The following FGGY variants were observed in gnomAD, a reference collection of about 807,000 sequenced individuals.
The protein encoded by FGGY is FGGY carbohydrate kinase domain containing.
FGGY carries 72 observed loss-of-function variants against 71.3 expected under a neutral mutation model. The observed-to-expected ratio is 1.01, with a 90% confidence interval of 0.84 to 1.23. The LOEUF is 1.23. Ranked by LOEUF, FGGY falls within the 50% of genes most tolerant of loss-of-function variation. FGGY has a pLI of 0.00. For missense variants in FGGY, 668 were observed against 682.3 expected, an observed-to-expected ratio of 0.98 and a Z score of 0.23; for synonymous variants, 251 against 250.3, an observed-to-expected ratio of 1.00 and a Z score of -0.02.
At chr1:59,592,190 A>G (rs1454990130) in intron 8 of FGGY, among the ~76,000 whole-genome samples, 2 of 152,238 alleles carry the variant, frequency 1.3e-5, no homozygotes, top group Non-Finnish European at 2.9e-5. Flanking sequence ...AAAAATGCTC[A>G]CCATCACTGG....
intron 8 of FGGY, among the ~76,000 whole-genome samples, chr1:59,586,446 G>A (rs2096288805): frequency 1.3e-5 from 2 of 151,968 alleles, no homozygotes; most frequent in South Asian, 4.1e-4. Flanking sequence ...TCATAGGTGG[G>A]AATTGAACAA....
intron 5 of FGGY, among the ~76,000 whole-genome samples, chr1:59,442,096 A>G (rs1200214568): frequency 6.6e-6 from 1 of 152,132 alleles, no homozygotes; most frequent in African/African-American, 2.4e-5. Flanking sequence ...TGCAGAGGGT[A>G]TGTTTCTAGA....
chr1:59,585,315 A>C (rs1462451350), intron 8 of FGGY, among the ~76,000 whole-genome samples: 2 of 152,202 alleles, frequency 1.3e-5, no homozygotes, highest in Non-Finnish European at 2.9e-5. Context: ...CTGGTACCAA[A>C]ACAGAGATGC....
chr1:59,659,738 C>G (rs1442597753), intron 11 of FGGY, among the ~76,000 whole-genome samples: 1 of 152,058 alleles, frequency 6.6e-6, no homozygotes, highest in Non-Finnish European at 1.5e-5. Flanking sequence ...AAGTTATCCC[C>G]TAGTAGGTAT....
intron 14 of FGGY, among the ~76,000 whole-genome samples, chr1:59,690,726 C>A (rs2097581119): frequency 6.6e-6 from 1 of 152,180 alleles, no homozygotes; most frequent in African/African-American, 2.4e-5. Flanking sequence ...CTGAAGCTGG[C>A]TAAGAAGGCA....
At chr1:59,359,484 G>A (rs868576726) in intron 4 of FGGY, among the ~76,000 whole-genome samples, 1 of 152,136 alleles carries the variant, frequency 6.6e-6, no homozygotes, top group African/African-American at 2.4e-5. Context: ...CTCTCCAAGA[G>A]CTGACTTTGT....
At chr1:59,474,556 C>T (rs2093165164) in intron 6 of FGGY, among the ~76,000 whole-genome samples, 1 of 152,186 alleles carries the variant, frequency 6.6e-6, no homozygotes, top group African/African-American at 2.4e-5. Context: ...GACATTTAGC[C>T]AATCTGGATA....
At chr1:59,577,481 G>C (rs888147842) in intron 8 of FGGY, among the ~76,000 whole-genome samples, 3 of 151,796 alleles carry the variant, frequency 2.0e-5, no homozygotes, top group Non-Finnish European at 2.9e-5. Context: ...TGTGTGACTA[G>C]AGGGTTCAGA....
chr1:59,413,820 G>A (rs577836561), intron 5 of FGGY, among the ~76,000 whole-genome samples: 1 of 152,164 alleles, frequency 6.6e-6, no homozygotes, highest in East Asian at 1.9e-4. Flanking sequence ...AATTAGCTGG[G>A]CGTGGTGGCA....
intron 1 of FGGY, among the ~76,000 whole-genome samples, chr1:59,297,736 T>C (rs1168925466): frequency 1.0e-4 from 15 of 150,454 alleles, no homozygotes; most frequent in Admixed American, 9.9e-4. Flanking sequence ...GGCAGGAGAA[T>C]AGCGTGAACC....
Position 59,298,336 on chromosome 1 carries a change from A to G in FGGY, c.-15+1186A>G, listed in dbSNP as rs917695489. Among the ~76,000 whole-genome samples the G allele has an allele frequency of 3.3e-5, 5 of 151,934 alleles. No individual in the cohort carries two copies. In the East Asian group the frequency reaches 9.7e-4, roughly 30 times the overall value. ...ACTGTTATTAAGGATGATTGGGGGA[A>G]CAGATCAGAGGGGGTCAGCTGGGCC... On this transcript the variant is annotated intron_variant, in intron 1 of 15. Coordinates refer to ENST00000303721, the MANE Select transcript of FGGY (RefSeq NM_018291.5).
At chr1:59,517,366 C>T (rs985726329) in intron 7 of FGGY, among the ~76,000 whole-genome samples, 6 of 148,354 alleles carry the variant, frequency 4.0e-5, no homozygotes, top group South Asian at 2.1e-4. Flanking sequence ...CCCGGGTTCA[C>T]GCCATTCTCC....
chr1:59,431,886 G>A (rs898542784), intron 5 of FGGY, among the ~76,000 whole-genome samples: 1 of 152,138 alleles, frequency 6.6e-6, no homozygotes, highest in African/African-American at 2.4e-5. Context: ...AATCCCTTGG[G>A]GTTTCCTAAG....
At chr1:59,682,094 A>T (rs78503292) in intron 14 of FGGY, among the ~76,000 whole-genome samples, 5,572 of 152,280 alleles carry the variant, frequency 0.037, 338 homozygotes, top group African/African-American at 0.13. Flanking sequence ...CATATGAAAA[A>T]TTGTATATAA....
chr1:59,644,693 A>G (rs1266834087), intron 11 of FGGY, among the ~76,000 whole-genome samples: 2 of 152,042 alleles, frequency 1.3e-5, no homozygotes, highest in East Asian at 1.9e-4. Context: ...GTAGATGAAT[A>G]TAGGCCGGGT....
intron 13 of FGGY, among the ~76,000 whole-genome samples, chr1:59,668,396 A>T (rs1272139169): frequency 1.3e-5 from 2 of 152,098 alleles, no homozygotes; most frequent in Non-Finnish European, 2.9e-5. Context: ...TACCCATCCC[A>T]TAGTCCCAAC....
intron 9 of FGGY, among the ~76,000 whole-genome samples, chr1:59,610,518 T>A (rs1296397323): frequency 1.3e-5 from 2 of 152,212 alleles, no homozygotes; most frequent in African/African-American, 4.8e-5. Context: ...TTTGCTATTG[T>A]AAATAGAGCT....
At chr1:59,334,640 A>G (rs1456093853) in intron 2 of FGGY, among the ~76,000 whole-genome samples, 1 of 152,170 alleles carries the variant, frequency 6.6e-6, no homozygotes, top group East Asian at 1.9e-4. Context: ...CTCTTGTTTG[A>G]GGAACATGTT....
At chr1:59,381,527 A>G (rs1226048344) in intron 5 of FGGY, among the ~76,000 whole-genome samples, 1 of 151,990 alleles carries the variant, frequency 6.6e-6, no homozygotes, top group Non-Finnish European at 1.5e-5. Flanking sequence ...TCAAGATGTC[A>G]CTAGGTGATA....
Sources: gnomAD v4.1 joint callset for allele counts (sites outside exome capture counted in the v4.1 genomes callset) on GRCh38, gnomAD v4.1.1 for gene constraint, MANE v1.5 for transcripts, NCBI Gene and HGNC (gene_info 2026-07-23, HGNC 2026-07-21) for gene names.